NTN1: variants seen among roughly 807,000 people sequenced by gnomAD.
NTN1 encodes netrin 1.
A neutral mutation model predicts 54.2 loss-of-function variants in NTN1; 11 were observed. The observed-to-expected ratio is 0.20, with a 90% CI of 0.13 to 0.34. NTN1 has a LOEUF of 0.34. Among genes scored for constraint, NTN1 ranks in the 10% least tolerant of loss-of-function variants. NTN1 has a pLI of 1.00. For missense variants in NTN1, 740 were observed against 893.1 expected, an observed-to-expected ratio of 0.83 and a Z score of 2.18; for synonymous variants, 371 against 382.0, an observed-to-expected ratio of 0.97 and a Z score of 0.33.
In NTN1 at chr17:9,139,074, G is replaced by A. The variant is rs76121710; in HGVS notation, c.1019-23739G>A. ...GAGGGGATTTAGCTAAAAGGTCTTC[G>A]GGGGACAGGGACTAAGTAGGCAAGG... On this transcript the variant is annotated intron_variant, in intron 2 of 6. Transcript: ENST00000173229. 5.7e-3 allele frequency among the ~76,000 whole-genome samples: 864 copies of A among 152,246 alleles called. 5 individuals are homozygous for A. Among genetic ancestry groups the A allele is most frequent in the Middle Eastern group, 0.01 (3 of 294 alleles).
chr17:9,014,566 C>T, the NTN1 span, among the ~76,000 whole-genome samples: 1 of 152,178 alleles, frequency 6.6e-6, no homozygotes, highest in Non-Finnish European at 1.5e-5. Context: ...GGAAGTGGCA[C>T]ACTGGAACCA....
chr17:9,216,110 G>A (rs2142350971), intron 5 of NTN1, among the ~76,000 whole-genome samples: 2 of 152,262 alleles, frequency 1.3e-5, no homozygotes, highest in South Asian at 4.1e-4. Flanking sequence ...CCCGGCTATG[G>A]TCTTTTTGTT....
chr17:9,151,307 GC>G (rs2092327134), intron 2 of NTN1, among the ~76,000 whole-genome samples: 1 of 152,082 alleles, frequency 6.6e-6, no homozygotes, highest in African/African-American at 2.4e-5. Context: ...TTGACAGAAG[GC>G]CCCTTTGTGT....
intron 3 of NTN1, chr17:9,173,403 C>T (rs898719727): frequency 3.3e-5 from 5 of 152,534 alleles, no homozygotes; most frequent in African/African-American, 1.2e-4. Context: ...CTGACACCCA[C>T]CAGAGATATG....
chr17:9,074,038 A>G (rs2092041216), intron 2 of NTN1, among the ~76,000 whole-genome samples: 1 of 152,170 alleles, frequency 6.6e-6, no homozygotes, highest in African/African-American at 2.4e-5. Context: ...GGGGCCAGTG[A>G]CCAGCCTGGG....
chr17:9,191,441 C>T (rs867316310), intron 5 of NTN1, among the ~76,000 whole-genome samples: 4 of 152,198 alleles, frequency 2.6e-5, no homozygotes, highest in South Asian at 2.1e-4. Flanking sequence ...GCCTGGGCAA[C>T]AAGAGCAAAA....
rs115443002 is a variant in NTN1 at position 9,040,412 on chromosome 17, G to A, written c.1018+17021G>A. ...CCTTCTCATTTTATTTTCTAAGTGGGTATTACAATGTATAGAAAAGCTATG... is the reference window on the plus strand; with the variant it reads ...CCTTCTCATTTTATTTTCTAAGTGGATATTACAATGTATAGAAAAGCTATG... On this transcript the variant is annotated intron_variant, in intron 2 of 6. Coordinates refer to ENST00000173229, the MANE Select transcript of NTN1 (RefSeq NM_004822.3). Among the ~76,000 whole-genome samples the A allele has an allele frequency of 6.0e-3, 906 of 152,056 alleles. 10 individuals are homozygous for A. Among genetic ancestry groups the A allele is most frequent in the African/African-American group, 0.02 (843 of 41,502 alleles).
chr17:9,124,586 G>A (rs2099193668), intron 2 of NTN1, among the ~76,000 whole-genome samples: 1 of 152,210 alleles, frequency 6.6e-6, no homozygotes, highest in Admixed American at 6.5e-5. Flanking sequence ...CGAGGATGGG[G>A]GGCTCTGATG....
chr17:9,115,638 A>G (rs539540836), intron 2 of NTN1, among the ~76,000 whole-genome samples: 51 of 152,382 alleles, frequency 3.3e-4, no homozygotes, highest in South Asian at 1.5e-3. Context: ...AGCAGAGGGC[A>G]GGCAAGAGCC....
At chr17:9,062,965 T>G (rs557163122) in intron 2 of NTN1, among the ~76,000 whole-genome samples, 1 of 152,242 alleles carries the variant, frequency 6.6e-6, no homozygotes, top group African/African-American at 2.4e-5. Context: ...TACATCTTTT[T>G]TGAGCTTCTG....
intron 2 of NTN1, among the ~76,000 whole-genome samples, chr17:9,131,070 C>G: frequency 6.6e-6 from 1 of 152,208 alleles, no homozygotes; most frequent in African/African-American, 2.4e-5. Context: ...GCCAGGCACA[C>G]TCTTAACTCA....
At chr17:9,006,275 T>A in the NTN1 span, among the ~76,000 whole-genome samples, 1 of 152,174 alleles carries the variant, frequency 6.6e-6, no homozygotes, top group Non-Finnish European at 1.5e-5. Context: ...ATTCATAGTG[T>A]TTGGACAAGA....
Position 9,158,956 on chromosome 17 carries a change from C to T in NTN1, c.1019-3857C>T, listed in dbSNP as rs769251785. Among the ~76,000 whole-genome samples the T allele has an allele frequency of 3.2e-4, 49 of 152,282 alleles. 1 individual carries two copies. Among genetic ancestry groups the T allele is most frequent in the Admixed American group, 2.2e-3 (33 of 15,302 alleles). On this transcript the variant is annotated intron_variant, in intron 2 of 6. Transcript: ENST00000173229. Reference sequence around the variant, plus strand: ...CACACTGCTTTTTCTAGGGCCCTGTCCACCTCTATTTGTAAATGAAATGAC... The same window carrying T: ...CACACTGCTTTTTCTAGGGCCCTGTTCACCTCTATTTGTAAATGAAATGAC...
At chr17:9,058,861 C>T (rs1449648291) in intron 2 of NTN1, among the ~76,000 whole-genome samples, 1 of 151,962 alleles carries the variant, frequency 6.6e-6, no homozygotes, top group Admixed American at 6.6e-5. Flanking sequence ...ATGAGAGAGG[C>T]AGACAGTAGA....
intron 3 of NTN1, chr17:9,176,474 T>A (rs764835896): frequency 3.3e-5 from 5 of 152,276 alleles, no homozygotes; most frequent in Non-Finnish European, 5.9e-5. Context: ...GCCTGAGTCT[T>A]CCCTTGGGCT....
At chr17:9,138,278 G>A (rs117128045) in intron 2 of NTN1, among the ~76,000 whole-genome samples, 9 of 152,230 alleles carry the variant, frequency 5.9e-5, no homozygotes, top group East Asian at 5.8e-4. Flanking sequence ...GTGAGATACC[G>A]CCCCAGGCCT....
At chr17:9,205,916 G>GTCT (rs1174306863) in intron 5 of NTN1, among the ~76,000 whole-genome samples, 1 of 152,236 alleles carries the variant, frequency 6.6e-6, no homozygotes, top group Non-Finnish European at 1.5e-5. Flanking sequence ...TGGGTGGAAA[G>GTCT]CACTTTGGTG....
intron 2 of NTN1, among the ~76,000 whole-genome samples, chr17:9,122,876 T>A (rs1175299345): frequency 6.6e-6 from 1 of 152,228 alleles, no homozygotes; most frequent in Non-Finnish European, 1.5e-5. Context: ...GCTTTGTAGT[T>A]TTGCATGGTT....
At chr17:9,067,090 G>A (rs2142212328) in intron 2 of NTN1, among the ~76,000 whole-genome samples, 1 of 151,480 alleles carries the variant, frequency 6.6e-6, no homozygotes, top group African/African-American at 2.4e-5. Flanking sequence ...AACATGGCAA[G>A]ACCCCGTCTC....
Sources: allele counts gnomAD v4.1 joint callset (sites outside exome capture counted in the v4.1 genomes callset), GRCh38; gene constraint gnomAD v4.1.1; transcripts MANE v1.5; gene names NCBI Gene and HGNC (gene_info 2026-07-23, HGNC 2026-07-21).